The following NHERF1 variants were observed in gnomAD, a reference collection of about 807,000 sequenced individuals.
NHERF1 encodes Na(+)/H(+) exchange regulatory cofactor NHE-RF1.
chr17:74,757,585 G>GC, the NHERF1 span, among the ~76,000 whole-genome samples: 1 of 151,584 alleles, frequency 6.6e-6, no homozygotes, highest in African/African-American at 2.4e-5. Context: ...CCCCCAGGCT[G>GC]CCCGTCACAC....
At chr17:74,751,249 CCT>C in the NHERF1 span, among the ~76,000 whole-genome samples, 3 of 152,208 alleles carry the variant, frequency 2.0e-5, no homozygotes, top group Non-Finnish European at 4.4e-5. This position sits in a 1 kb window ranked among gnomAD's most constrained non-coding sequence, Gnocchi z 4.3. Flanking sequence ...AGCAGAAAAT[CCT>C]CTCCTCTCAA....
chr17:74,763,874 A>C, the NHERF1 span, among the ~76,000 whole-genome samples: 1 of 152,206 alleles, frequency 6.6e-6, no homozygotes, highest in Non-Finnish European at 1.5e-5. Flanking sequence ...CAATGTGAGG[A>C]AAGGGTTAAC....
chr17:74,755,985 G>A, the NHERF1 span, among the ~76,000 whole-genome samples: 13 of 144,070 alleles, frequency 9.0e-5, no homozygotes, highest in East Asian at 1.6e-3. Context: ...GCAGAGTCTC[G>A]CTCTGTTGCC....
the NHERF1 span, among the ~76,000 whole-genome samples, chr17:74,756,796 G>T: frequency 2.8e-3 from 423 of 152,196 alleles, 16 homozygotes; most frequent in East Asian, 0.076. Flanking sequence ...GACTATAATT[G>T]GCTCTTAAGA....
chr17:74,766,894 C>A, the NHERF1 span: 5 of 1,605,910 alleles, frequency 3.1e-6, no homozygotes, highest in Non-Finnish European at 4.3e-6. Flanking sequence ...CGCTCTATTC[C>A]ATCCCCGTTC....
the NHERF1 span, among the ~76,000 whole-genome samples, chr17:74,751,982 T>A: frequency 2.0e-5 from 3 of 152,214 alleles, no homozygotes; most frequent in African/African-American, 4.8e-5. The surrounding 1 kb of genome is among the most constrained non-coding windows in gnomAD (Gnocchi z 4.3). Flanking sequence ...CAGCCAGCCT[T>A]TGCAGTTGGT....
At chr17:74,751,666 G>A in the NHERF1 span, among the ~76,000 whole-genome samples, 4 of 152,184 alleles carry the variant, frequency 2.6e-5, no homozygotes, top group South Asian at 2.1e-4. This position sits in a 1 kb window ranked among gnomAD's most constrained non-coding sequence, Gnocchi z 4.3. Context: ...GGCCTTCCCC[G>A]CCTGCCCCGT....
chr17:74,759,204 C>G, the NHERF1 span, among the ~76,000 whole-genome samples: 1 of 152,186 alleles, frequency 6.6e-6, no homozygotes, highest in African/African-American at 2.4e-5. Context: ...CCCTCAGGTC[C>G]TGGAGCCGCC....
chr17:74,767,027 G>C, the NHERF1 span: 1 of 1,559,028 alleles, frequency 6.4e-7, no homozygotes, highest in Non-Finnish European at 8.9e-7. Flanking sequence ...GGGTGCATGA[G>C]ACAGATCAGA....
At chr17:74,769,074 T>G in the NHERF1 span, 1 of 208,278 alleles carries the variant, frequency 4.8e-6, no homozygotes, top group Non-Finnish European at 9.8e-6. Context: ...GGGCATCTGT[T>G]ACCCTGAGAC....
At chr17:74,758,738 T>C in the NHERF1 span, among the ~76,000 whole-genome samples, 2 of 152,118 alleles carry the variant, frequency 1.3e-5, no homozygotes, top group Non-Finnish European at 2.9e-5. This position sits in a 1 kb window ranked among gnomAD's most constrained non-coding sequence, Gnocchi z 4.3. Flanking sequence ...CTCCCATTTA[T>C]CCCCTTTCCC....
At chr17:74,765,178 A>G in the NHERF1 span, among the ~76,000 whole-genome samples, 1 of 152,160 alleles carries the variant, frequency 6.6e-6, no homozygotes, top group East Asian at 1.9e-4. Context: ...GGGGATACCC[A>G]GGACACACCC....
At chr17:74,749,266 C>G in the NHERF1 span, 3 of 1,529,072 alleles carry the variant, frequency 2.0e-6, no homozygotes, top group African/African-American at 1.4e-5. The surrounding 1 kb of genome is among the most constrained non-coding windows in gnomAD (Gnocchi z 5.6). Flanking sequence ...CTCGCGAGGC[C>G]GACAAGAGCC....
chr17:74,764,819 C>G, the NHERF1 span, among the ~76,000 whole-genome samples: 1 of 152,208 alleles, frequency 6.6e-6, no homozygotes, highest in Non-Finnish European at 1.5e-5. The surrounding 1 kb of genome is among the most constrained non-coding windows in gnomAD (Gnocchi z 4.9). Flanking sequence ...CCCCCCTCTC[C>G]GGCTGCCAGG....
chr17:74,759,624 G>A, the NHERF1 span, among the ~76,000 whole-genome samples: 38 of 152,366 alleles, frequency 2.5e-4, no homozygotes, highest in South Asian at 7.4e-3. Context: ...CGCCCGGAAG[G>A]AAGGCTGTGG....
chr17:74,754,142 C>T, the NHERF1 span, among the ~76,000 whole-genome samples: 1 of 151,702 alleles, frequency 6.6e-6, no homozygotes, highest in Admixed American at 6.6e-5. Flanking sequence ...CCAGCCCGAG[C>T]AGCAGAGTGA....
the NHERF1 span, among the ~76,000 whole-genome samples, chr17:74,751,808 G>A: frequency 3.3e-5 from 5 of 152,344 alleles, no homozygotes; most frequent in South Asian, 2.1e-4. The surrounding 1 kb of genome is among the most constrained non-coding windows in gnomAD (Gnocchi z 4.3). Flanking sequence ...GGGCAGAGCC[G>A]AGCCAGCTCA....
the NHERF1 span, among the ~76,000 whole-genome samples, chr17:74,759,500 G>A: frequency 3.3e-5 from 5 of 151,012 alleles, no homozygotes; most frequent in East Asian, 5.8e-4. Context: ...CCTGCCAGCC[G>A]GGGGGGGCGC....
At chr17:74,758,936 C>T in the NHERF1 span, among the ~76,000 whole-genome samples, 1 of 152,208 alleles carries the variant, frequency 6.6e-6, no homozygotes, top group African/African-American at 2.4e-5. The surrounding 1 kb of genome is among the most constrained non-coding windows in gnomAD (Gnocchi z 4.3). Flanking sequence ...CCCCAGCCTC[C>T]ACCCAGGCTG....
Sources: allele counts gnomAD v4.1 joint callset (sites outside exome capture counted in the v4.1 genomes callset), GRCh38; gene constraint gnomAD v4.1.1; non-coding constraint Gnocchi (gnomAD v3.1); transcripts MANE v1.5; gene names NCBI Gene and HGNC (gene_info 2026-07-23, HGNC 2026-07-21).